The following FAM107B variants were observed in gnomAD, a reference collection of about 807,000 sequenced individuals.
FAM107B encodes the protein protein FAM107B.
FAM107B carries 21 observed loss-of-function variants against 31.5 expected under a neutral mutation model. That is an observed-to-expected ratio of 0.67 (90% CI 0.47 to 0.96). The LOEUF is 0.96. Among genes scored for constraint, FAM107B ranks in the 40% least tolerant of loss-of-function variants. The pLI is 0.00. For missense variants in FAM107B, 452 were observed against 377.1 expected (o/e 1.20, Z -1.64); for synonymous variants, 157 against 141.5 (o/e 1.11, Z -0.78).
At chr10:14,643,553 A>G (rs186518261) in intron 2 of FAM107B, among the ~76,000 whole-genome samples, 45 of 151,928 alleles carry the variant, frequency 3.0e-4, no homozygotes, top group African/African-American at 9.9e-4. Context: ...GGGACTACAG[A>G]CACATGCCAC....
At chr10:14,600,724 C>T (rs528936236) in intron 2 of FAM107B, among the ~76,000 whole-genome samples, 6 of 152,326 alleles carry the variant, frequency 3.9e-5, no homozygotes, top group South Asian at 4.1e-4. Flanking sequence ...ACTGCAGCCT[C>T]GAACTCCTGG....
chr10:14,727,735 C>T (rs891135978), intron 1 of FAM107B, among the ~76,000 whole-genome samples: 3 of 152,226 alleles, frequency 2.0e-5, no homozygotes, highest in Non-Finnish European at 4.4e-5. Context: ...CACTCTCCCA[C>T]CAGGGCTTCT....
chr10:14,671,222 C>T (rs10906740), intron 1 of FAM107B, among the ~76,000 whole-genome samples: 58,872 of 152,026 alleles, frequency 0.39, 11,556 homozygotes, highest in East Asian at 0.45. Flanking sequence ...GGTAGAGCGG[C>T]TATGTTGTTC....
chr10:14,745,366 T>C lies in FAM107B; in HGVS notation c.411+28887A>G, dbSNP rs1182209548. 3.3e-5 allele frequency among the ~76,000 whole-genome samples: 5 copies of C among 152,186 alleles called. No homozygotes were observed. In the South Asian group the frequency reaches 6.2e-4, roughly 19 times the overall value. On this transcript the variant is annotated intron_variant, in intron 1 of 4. Coordinates refer to ENST00000181796, the MANE Select transcript of FAM107B (RefSeq NM_031453.4). ...AGTTTTGGGGTTTGTTTGCTCTTGGTTCTCTAGTTCTTTTCGCTGTGATGT... is the reference window on the plus strand; with the variant it reads ...AGTTTTGGGGTTTGTTTGCTCTTGGCTCTCTAGTTCTTTTCGCTGTGATGT...
chr10:14,724,792 C>T (rs999283011), intron 1 of FAM107B, among the ~76,000 whole-genome samples: 3 of 152,150 alleles, frequency 2.0e-5, no homozygotes, highest in African/African-American at 7.2e-5. Context: ...CTCATCCACA[C>T]TGAAGAGTGA....
At chr10:14,567,551 T>G (rs1275801563) in intron 2 of FAM107B, among the ~76,000 whole-genome samples, 1 of 152,082 alleles carries the variant, frequency 6.6e-6, no homozygotes, top group Non-Finnish European at 1.5e-5. Context: ...GAGGCAACTG[T>G]GTAACTTTCT....
chr10:14,694,701 C>T (rs117212749), intron 1 of FAM107B, among the ~76,000 whole-genome samples: 2,053 of 152,214 alleles, frequency 0.013, 21 homozygotes, highest in Non-Finnish European at 0.02. Flanking sequence ...TAATTGCCAT[C>T]TTAATGGATG....
chr10:14,557,984 CT>C (rs1849845970), intron 2 of FAM107B, among the ~76,000 whole-genome samples: 1 of 152,254 alleles, frequency 6.6e-6, no homozygotes, highest in African/African-American at 2.4e-5. Context: ...AGGCAAACTA[CT>C]GTTTAAAATG....
chr10:14,764,437 G>A (rs55845244), intron 1 of FAM107B, among the ~76,000 whole-genome samples: 6,529 of 152,214 alleles, frequency 0.043, 310 homozygotes, highest in African/African-American at 0.12. Context: ...ACACAAACCA[G>A]CTTTTCAGAA....
rs1187944268 is a variant in FAM107B, at chr10:14,767,020, GTATGTATATATA to G, written c.411+7221_411+7232del. 5.6e-4 allele frequency among the ~76,000 whole-genome samples: 17 copies of G among 30,406 alleles called. 1 individual carries two copies. Among genetic ancestry groups the G allele is most frequent in the East Asian group, 1.7e-3 (2 of 1,152 alleles). 19.9% of individuals were successfully genotyped at this position (30,406 alleles called of 152,430 possible). On this transcript the variant is annotated intron_variant, in intron 1 of 4. Coordinates refer to ENST00000181796, the MANE Select transcript of FAM107B (RefSeq NM_031453.4). ...AACTGCAGAACAATATCCCTGATGT[GTATGTATATATA>G]TATATATATATATATATATATATAG...
intron 1 of FAM107B, among the ~76,000 whole-genome samples, chr10:14,677,884 T>C (rs181792093): frequency 1.3e-5 from 2 of 152,324 alleles, no homozygotes; most frequent in African/African-American, 4.8e-5. Context: ...CTCTAAAGCA[T>C]TAAAAAGCGG....
intron 2 of FAM107B, among the ~76,000 whole-genome samples, chr10:14,568,087 G>A (rs1278115430): frequency 1.3e-5 from 2 of 152,196 alleles, no homozygotes; most frequent in African/African-American, 4.8e-5. Context: ...AGGAACGAAT[G>A]AGGAGCTACG....
intron 1 of FAM107B, among the ~76,000 whole-genome samples, chr10:14,717,898 T>C (rs1396155774): frequency 2.0e-5 from 3 of 152,194 alleles, no homozygotes; most frequent in Non-Finnish European, 4.4e-5. Flanking sequence ...GTACCATTTT[T>C]TAATGATGAT....
intron 2 of FAM107B, chr10:14,661,422 T>C (rs2131465021): frequency 6.6e-6 from 1 of 152,250 alleles, no homozygotes; most frequent in Non-Finnish European, 1.5e-5. Flanking sequence ...ACCCAATCTG[T>C]GGAGGGTCTG....
intron 1 of FAM107B, among the ~76,000 whole-genome samples, chr10:14,710,313 A>G (rs1260197623): frequency 6.6e-6 from 1 of 152,100 alleles, no homozygotes; most frequent in Non-Finnish European, 1.5e-5. Context: ...AGCCAAGCTG[A>G]GGCAGGAGGA....
intron 1 of FAM107B, among the ~76,000 whole-genome samples, chr10:14,772,990 A>T (rs1833341816): frequency 6.6e-6 from 1 of 152,162 alleles, no homozygotes; most frequent in East Asian, 1.9e-4. Flanking sequence ...ACAAATATCA[A>T]CTTGGCCATG....
In FAM107B at chr10:14,533,256, G is replaced by A. The variant is rs75958601; in HGVS notation, c.470-2741C>T. Among the ~76,000 whole-genome samples, 80 of 152,272 alleles carry A rather than the reference G, an allele frequency of 5.3e-4. 1 individual carries two copies. In the East Asian group the frequency reaches 0.014, roughly 27 times the overall value. On this transcript the variant is annotated intron_variant, in intron 2 of 4. Coordinates refer to ENST00000181796, the MANE Select transcript of FAM107B (RefSeq NM_031453.4). ...TCACGCAGCAGCAGCATAGGTAGGC[G>A]GAGAGCCTGATTCAAGATGTATTTT...
intron 3 of FAM107B, among the ~76,000 whole-genome samples, chr10:14,523,788 TCTC>T (rs1262224972): frequency 1.3e-5 from 2 of 152,170 alleles, no homozygotes; most frequent in Admixed American, 1.3e-4. Context: ...TTCTGGCATC[TCTC>T]CTATCTAGAT....
chr10:14,687,938 A>G (rs1855030074), intron 1 of FAM107B, among the ~76,000 whole-genome samples: 1 of 152,204 alleles, frequency 6.6e-6, no homozygotes, highest in African/African-American at 2.4e-5. Flanking sequence ...GGATTGAAGG[A>G]TGCAAAGTAT....
Sources: allele counts gnomAD v4.1 joint callset (sites outside exome capture counted in the v4.1 genomes callset), GRCh38; gene constraint gnomAD v4.1.1; transcripts MANE v1.5; gene names NCBI Gene and HGNC (gene_info 2026-07-23, HGNC 2026-07-21).